SYCP2L: variants seen among roughly 807,000 people sequenced by gnomAD.
The protein encoded by SYCP2L is synaptonemal complex protein 2 like.
SYCP2L carries 98 observed loss-of-function variants against 125.8 expected under a neutral mutation model. That is an observed-to-expected ratio of 0.78 (90% CI 0.66 to 0.92). SYCP2L has a LOEUF of 0.92. SYCP2L is among the 40% of genes least tolerant of loss of function. The pLI is 0.00. For missense variants in SYCP2L, 842 were observed against 936.4 expected (o/e 0.90, Z 1.32); for synonymous variants, 317 against 325.4 (o/e 0.97, Z 0.28).
chr6:10,941,703 G>A (rs1293774391), intron 21 of SYCP2L, among the ~76,000 whole-genome samples: 3 of 152,324 alleles, frequency 2.0e-5, no homozygotes, highest in South Asian at 4.1e-4. Context: ...TACACTGTTG[G>A]TGGGAGTGTA....
chr6:10,943,384 C>T (rs1038926807), intron 23 of SYCP2L, among the ~76,000 whole-genome samples: 1 of 152,058 alleles, frequency 6.6e-6, no homozygotes, highest in Admixed American at 6.6e-5. Flanking sequence ...ATCTGCAAAC[C>T]ACCATCCTGT....
intron 26 of SYCP2L, among the ~76,000 whole-genome samples, chr6:10,959,136 G>C (rs767166642): frequency 2.6e-5 from 4 of 152,224 alleles, no homozygotes; most frequent in Admixed American, 6.5e-5. Flanking sequence ...GTTATGAAGA[G>C]AAGGCAAGCA....
chr6:10,920,219 G>T lies in SYCP2L; in HGVS notation c.1073-4277G>T, dbSNP rs184647892. 1.8e-4 allele frequency among the ~76,000 whole-genome samples: 28 copies of T among 152,120 alleles called. No individual in the cohort carries two copies. In the South Asian group the frequency reaches 2.5e-3, roughly 14 times the overall value. On this transcript the variant is annotated intron_variant, in intron 14 of 29. Coordinates refer to ENST00000283141, the MANE Select transcript of SYCP2L (RefSeq NM_001040274.3). ...CTTAGAATTTCTTTTTGTTTTGTTT[G>T]GTTTGGTTTGGTTTGGTTTTGAGAC...
intron 14 of SYCP2L, chr6:10,922,566 C>T (rs1225757): frequency 0.37 from 56,094 of 151,396 alleles, 11,551 homozygotes; most frequent in Middle Eastern, 0.62. Flanking sequence ...CCCGGGTTCA[C>T]GCCATTCTTC....
At chr6:10,920,483 C>T (rs1208647303) in intron 14 of SYCP2L, among the ~76,000 whole-genome samples, 1 of 152,234 alleles carries the variant, frequency 6.6e-6, no homozygotes, top group Non-Finnish European at 1.5e-5. Flanking sequence ...TCCCAAAGTG[C>T]TGAGATTACA....
intron 23 of SYCP2L, among the ~76,000 whole-genome samples, chr6:10,948,450 A>G (rs958896608): frequency 1.3e-5 from 2 of 152,176 alleles, no homozygotes; most frequent in African/African-American, 2.4e-5. Context: ...TTTTAAAAGT[A>G]CAACTCATAG....
intron 24 of SYCP2L, among the ~76,000 whole-genome samples, 190 bp downstream of exon 24, chr6:10,955,407 C>T (rs1200676119): frequency 6.6e-6 from 1 of 152,186 alleles, no homozygotes; most frequent in Admixed American, 6.5e-5. Flanking sequence ...AAGCAAGTGC[C>T]ATTATCCCCT....
chr6:10,914,697 T>C (rs547605178), intron 14 of SYCP2L, among the ~76,000 whole-genome samples: 70 of 151,938 alleles, frequency 4.6e-4, no homozygotes, highest in African/African-American at 1.7e-3. Context: ...GTAGTTTTCC[T>C]TGTAGAGATC....
At chr6:10,907,292 G>T (rs1401486528) in intron 9 of SYCP2L, among the ~76,000 whole-genome samples, 1 of 151,644 alleles carries the variant, frequency 6.6e-6, no homozygotes, top group African/African-American at 2.4e-5. Context: ...GCAGTGAGTC[G>T]AGATTGGGCC....
At chr6:10,939,396 A>G (rs986391720) in intron 21 of SYCP2L, among the ~76,000 whole-genome samples, 2 of 152,234 alleles carry the variant, frequency 1.3e-5, no homozygotes, top group African/African-American at 4.8e-5. Flanking sequence ...ATATGGAACC[A>G]CAAAAGATCC....
At chr6:10,889,082 G>A (rs376153863) in intron 1 of SYCP2L, among the ~76,000 whole-genome samples, 6 of 151,862 alleles carry the variant, frequency 4.0e-5, no homozygotes, top group East Asian at 3.9e-4. Flanking sequence ...GGCTGGTCTC[G>A]AACTCCTGAC....
chr6:10,969,041 T>G (rs532569616), intron 29 of SYCP2L, among the ~76,000 whole-genome samples: 67 of 152,324 alleles, frequency 4.4e-4, no homozygotes, highest in Admixed American at 7.2e-4. Context: ...CCCACTCAGT[T>G]GGATTCTTTG....
chr6:10,894,742 T>G lies in SYCP2L; in HGVS notation c.336+538T>G, dbSNP rs527356470. On this transcript the variant is annotated intron_variant, in intron 4 of 29. Coordinates refer to ENST00000283141, the MANE Select transcript of SYCP2L (RefSeq NM_001040274.3). ...CCAAGAGATAACATGGCGAGTGCCT[T>G]TATAACGGCATCTGGAAGTAAAGCA... 1.2e-4 allele frequency among the ~76,000 whole-genome samples: 19 copies of G among 152,342 alleles called. 1 individual carries two copies. The South Asian group carries it at 3.9e-3, about 32-fold the overall frequency.
chr6:10,926,495 T>C, intron 16 of SYCP2L, 63 bp downstream of exon 16: 1 of 1,317,312 alleles, frequency 7.6e-7, no homozygotes, highest in Non-Finnish European at 1.1e-6. Flanking sequence ...AAACCTTAGT[T>C]GGAAGAGGTC....
chr6:10,931,297 A>T, intron 19 of SYCP2L, 143 bp from the exon 20 acceptor site: 1 of 727,842 alleles, frequency 1.4e-6, no homozygotes, highest in Non-Finnish European at 2.3e-6. Flanking sequence ...AATAATCAGG[A>T]AAGGATCTTA....
chr6:10,927,824 C>T (rs1196706628), intron 17 of SYCP2L, among the ~76,000 whole-genome samples: 1 of 152,114 alleles, frequency 6.6e-6, no homozygotes, highest in Non-Finnish European at 1.5e-5. Context: ...TTTATCCCTA[C>T]AGTCTCGACC....
At chr6:10,888,221 C>T (rs997276938) in intron 1 of SYCP2L, among the ~76,000 whole-genome samples, 9 of 151,326 alleles carry the variant, frequency 5.9e-5, no homozygotes, top group Non-Finnish European at 1.0e-4. Context: ...CTCAGCCTCC[C>T]GAGTAGCTGA....
intron 29 of SYCP2L, among the ~76,000 whole-genome samples, chr6:10,966,140 AACAACAACAACAACC>A (rs1339194599): frequency 2.0e-5 from 3 of 152,020 alleles, no homozygotes; most frequent in Non-Finnish European, 4.4e-5. Context: ...CAACAACAAT[AACAACAACAACAACC>A]ACACCAAAAT....
chr6:10,913,158 C>T (rs1398487817), intron 14 of SYCP2L, among the ~76,000 whole-genome samples: 1 of 152,142 alleles, frequency 6.6e-6, no homozygotes, highest in Non-Finnish European at 1.5e-5. Context: ...TATAGATCCT[C>T]ACAAAATTAA....
Sources: gnomAD v4.1 joint callset for allele counts (sites outside exome capture counted in the v4.1 genomes callset) on GRCh38, gnomAD v4.1.1 for gene constraint, MANE v1.5 for transcripts, NCBI Gene and HGNC (gene_info 2026-07-23, HGNC 2026-07-21) for gene names.